HS3ST5: variants seen among roughly 807,000 people sequenced by gnomAD.
The protein encoded by HS3ST5 is heparan sulfate glucosamine 3-O-sulfotransferase 5.
HS3ST5 carries 10 observed loss-of-function variants against 25.4 expected under a neutral mutation model. The observed-to-expected ratio is 0.39, with a 90% CI of 0.24 to 0.67. HS3ST5 has a LOEUF of 0.67. Among genes scored for constraint, HS3ST5 ranks in the 30% least tolerant of loss-of-function variants. The pLI, the probability that HS3ST5 is intolerant of heterozygous loss-of-function variation, is 0.44. For synonymous variants in HS3ST5, 170 were observed against 162.4 expected, an observed-to-expected ratio of 1.05 and a Z score of -0.36; for missense variants, 324 against 420.7, an observed-to-expected ratio of 0.77 and a Z score of 2.01.
At chr6:114,282,726 T>C (rs1426062599) in intron 1 of HS3ST5, among the ~76,000 whole-genome samples, 1 of 151,928 alleles carries the variant, frequency 6.6e-6, no homozygotes, top group African/African-American at 2.4e-5. Context: ...CTATCCTTTC[T>C]CCCTCCCCTT....
At chr6:114,252,862 A>C (rs1379345990) in intron 1 of HS3ST5, among the ~76,000 whole-genome samples, 1 of 152,124 alleles carries the variant, frequency 6.6e-6, no homozygotes, top group Non-Finnish European at 1.5e-5. Context: ...CACATACACA[A>C]TTTTAAATTT....
chr6:114,058,769 T>C (rs1772923723), intron 4 of HS3ST5: 1 of 153,552 alleles, frequency 6.5e-6, no homozygotes, highest in Admixed American at 6.4e-5. Flanking sequence ...ATTCTGAGAC[T>C]CTCTGCCCTG....
At chr6:114,108,996 C>G (rs940630335) in intron 3 of HS3ST5, among the ~76,000 whole-genome samples, 1 of 152,062 alleles carries the variant, frequency 6.6e-6, no homozygotes, top group South Asian at 2.1e-4. Context: ...AACCCCATCT[C>G]TACCAAAAAT....
intron 1 of HS3ST5, among the ~76,000 whole-genome samples, chr6:114,326,374 AGT>A (rs927102416): frequency 3.2e-4 from 48 of 152,070 alleles, no homozygotes; most frequent in African/African-American, 1.1e-3. Context: ...TGGGTGACAG[AGT>A]GAGACTCTGT....
At chr6:114,287,028 T>C (rs1237042011) in intron 1 of HS3ST5, among the ~76,000 whole-genome samples, 1 of 151,952 alleles carries the variant, frequency 6.6e-6, no homozygotes, top group Non-Finnish European at 1.5e-5. Context: ...TGCTTGAAGG[T>C]GTCTTGTATA....
At chr6:114,313,021 A>G (rs1775595750) in intron 1 of HS3ST5, among the ~76,000 whole-genome samples, 1 of 111,926 alleles carries the variant, frequency 8.9e-6, no homozygotes, top group Admixed American at 9.6e-5. Flanking sequence ...GAGACCCTGC[A>G]TCAGAAAAAA....
chr6:114,171,588 A>C (rs778256626), intron 2 of HS3ST5, among the ~76,000 whole-genome samples: 1 of 152,348 alleles, frequency 6.6e-6, no homozygotes, highest in South Asian at 2.1e-4. Flanking sequence ...GCACTGAACT[A>C]AATGCTTAAT....
intron 1 of HS3ST5, among the ~76,000 whole-genome samples, chr6:114,279,305 A>G (rs1262724621): frequency 1.3e-5 from 2 of 152,154 alleles, no homozygotes; most frequent in East Asian, 3.9e-4. Context: ...GAAATGCCCT[A>G]TAAATCGTGT....
At chr6:114,155,257 C>T (rs1778647135) in intron 3 of HS3ST5, among the ~76,000 whole-genome samples, 1 of 151,860 alleles carries the variant, frequency 6.6e-6, no homozygotes, top group Admixed American at 6.6e-5. Context: ...CTTATTCATC[C>T]CCATGCCAGT....
intron 1 of HS3ST5, among the ~76,000 whole-genome samples, chr6:114,232,278 C>T (rs1771634151): frequency 6.6e-6 from 1 of 152,158 alleles, no homozygotes; most frequent in Non-Finnish European, 1.5e-5. Context: ...TCATGAAGGT[C>T]TATGACCAAT....
At chr6:114,322,852 G>A (rs753824246) in intron 1 of HS3ST5, among the ~76,000 whole-genome samples, 4 of 152,148 alleles carry the variant, frequency 2.6e-5, no homozygotes, top group Non-Finnish European at 5.9e-5. Flanking sequence ...CCACCCGGGG[G>A]TAGGAAAATT....
chr6:114,224,697 T>TACACACAC lies in HS3ST5; in HGVS notation c.-145+3887_-145+3888insGTGTGTGT, dbSNP rs67203600. On this transcript the variant is annotated intron_variant, in intron 2 of 4. Coordinates refer to ENST00000312719, the MANE Select transcript of HS3ST5 (RefSeq NM_153612.4). ...ATACATATATATATACATATATATA[T>TACACACAC]ATACACACACACACACACACACACC... is the stretch of plus-strand genomic sequence containing the variant. 1.3e-3 allele frequency among the ~76,000 whole-genome samples: 191 copies of TACACACAC among 145,686 alleles called. 2 individuals are homozygous for TACACACAC. The highest frequency in any genetic ancestry group is 4.5e-3 in the African/African-American group (177 of 39,202).
chr6:114,192,700 C>A (rs1251476272), intron 2 of HS3ST5, among the ~76,000 whole-genome samples: 1 of 152,064 alleles, frequency 6.6e-6, no homozygotes, highest in Non-Finnish European at 1.5e-5. Flanking sequence ...AGAGGGAGAG[C>A]CACAGATTAT....
At chr6:114,302,649 T>C (rs889355429) in intron 1 of HS3ST5, among the ~76,000 whole-genome samples, 1 of 152,204 alleles carries the variant, frequency 6.6e-6, no homozygotes. Flanking sequence ...AAGCTTCAAC[T>C]GTCAACATTT....
At chr6:114,260,815 T>C (rs1430047524) in intron 1 of HS3ST5, among the ~76,000 whole-genome samples, 1 of 152,038 alleles carries the variant, frequency 6.6e-6, no homozygotes, top group Non-Finnish European at 1.5e-5. Flanking sequence ...CTAAAGTGGT[T>C]TTTTGTTTTT....
chr6:114,063,204 T>A (rs1451498524), intron 3 of HS3ST5, among the ~76,000 whole-genome samples: 1 of 152,140 alleles, frequency 6.6e-6, no homozygotes, highest in Non-Finnish European at 1.5e-5. Context: ...ATAAAATGAT[T>A]CAAAGAATAT....
Position 114,234,798 on chromosome 6 carries a change from T to C in HS3ST5, c.-338-6020A>G, listed in dbSNP as rs549327822. The stretch of plus-strand genomic sequence containing the variant: ...GACAAAATTGTGTTTATTCCATGCA[T>C]GAAAATTGATATATGTTCTAAAATT... On this transcript the variant is annotated intron_variant, in intron 1 of 4. Transcript: ENST00000312719. Among the ~76,000 whole-genome samples the C allele has an allele frequency of 2.6e-5, 4 of 152,308 alleles. No homozygotes were observed. In the East Asian group the frequency reaches 7.7e-4, roughly 29 times the overall value.
chr6:114,304,039 G>C (rs966755885), intron 1 of HS3ST5, among the ~76,000 whole-genome samples: 7 of 152,000 alleles, frequency 4.6e-5, no homozygotes, highest in African/African-American at 1.7e-4. Context: ...GCTTCCATAT[G>C]CACAGTCATT....
intron 3 of HS3ST5, among the ~76,000 whole-genome samples, chr6:114,104,140 C>G (rs1188134724): frequency 6.6e-6 from 1 of 152,042 alleles, no homozygotes; most frequent in Non-Finnish European, 1.5e-5. Flanking sequence ...CTACAAAAAT[C>G]ATGACAGATA....
Sources: gnomAD v4.1 joint callset for allele counts (sites outside exome capture counted in the v4.1 genomes callset) on GRCh38, gnomAD v4.1.1 for gene constraint, MANE v1.5 for transcripts, NCBI Gene and HGNC (gene_info 2026-07-23, HGNC 2026-07-21) for gene names.